EPHB1: variants seen among roughly 807,000 people sequenced by gnomAD.
EPHB1 encodes EPH receptor B1.
Under a neutral mutation model 94.4 loss-of-function variants are expected in EPHB1, and 30 were observed. The observed-to-expected ratio is 0.32, with a 90% CI of 0.24 to 0.43. The LOEUF (loss-of-function observed/expected upper bound fraction) is 0.43, where lower values mean the gene tolerates loss of function less well. Ranked by LOEUF, EPHB1 falls within the 20% of genes least tolerant of loss-of-function variation. EPHB1 has a pLI of 1.00. For synonymous variants in EPHB1, 522 were observed against 489.1 expected, an observed-to-expected ratio of 1.07 and a Z score of -0.89; for missense variants, 1,055 against 1,308.3, an observed-to-expected ratio of 0.81 and a Z score of 2.99.
intron 13 of EPHB1, among the ~76,000 whole-genome samples, chr3:135,245,611 T>C (rs1247116439): frequency 6.7e-6 from 1 of 149,642 alleles, no homozygotes; most frequent in Non-Finnish European, 1.5e-5. Context: ...ATTGAGACCA[T>C]CCTGGCCAAC....
chr3:134,850,048 T>C (rs2036948484), intron 1 of EPHB1, among the ~76,000 whole-genome samples: 1 of 152,156 alleles, frequency 6.6e-6, no homozygotes, highest in Admixed American at 6.5e-5. Context: ...TCCAGGAGTT[T>C]CTCAACTGCT....
rs75239572 is a variant in EPHB1 at position 135,142,473 on chromosome 3, G to A, written c.1297+9424G>A. On this transcript the variant is annotated intron_variant, in intron 5 of 15. Transcript: ENST00000398015. ...GGCAACATATGCCTAAGGTTTTGAGGAGTATTGTGAATTATGTTATTGCAA... is the reference window on the plus strand; with the variant it reads ...GGCAACATATGCCTAAGGTTTTGAGAAGTATTGTGAATTATGTTATTGCAA... Among the ~76,000 whole-genome samples the A allele has an allele frequency of 1.8e-4, 27 of 152,284 alleles. No homozygotes were observed. The East Asian group carries it at 4.6e-3, about 26-fold the overall frequency.
At chr3:135,008,497 A>T (rs1217415978) in intron 3 of EPHB1, among the ~76,000 whole-genome samples, 1 of 152,200 alleles carries the variant, frequency 6.6e-6, no homozygotes, top group Non-Finnish European at 1.5e-5. Context: ...TATCAAATGA[A>T]TTTCAAAGAA....
chr3:134,906,775 A>T lies in EPHB1; in HGVS notation c.59-19041A>T, dbSNP rs7652904. Among the ~76,000 whole-genome samples, 873 of 152,320 alleles carry T rather than the reference A, an allele frequency of 5.7e-3. 6 individuals carry two copies. Among genetic ancestry groups the T allele is most frequent in the African/African-American group, 0.02 (828 of 41,572 alleles). ...TGGTAAACCAAGGCCCTCTTGGAGA[A>T]TGTGCTCCTGGGTTGGGCTGGAGGA... On this transcript the variant is annotated intron_variant, in intron 1 of 15. Transcript: ENST00000398015.
At chr3:135,244,154 C>G (rs1320720533) in intron 13 of EPHB1, among the ~76,000 whole-genome samples, 2 of 152,328 alleles carry the variant, frequency 1.3e-5, no homozygotes, top group East Asian at 3.9e-4. Context: ...AGACTACCTG[C>G]ACCTGATCCC....
chr3:135,092,752 A>G (rs887145701), intron 3 of EPHB1, among the ~76,000 whole-genome samples: 9 of 152,122 alleles, frequency 5.9e-5, no homozygotes, highest in East Asian at 3.9e-4. Context: ...CAGCCTCCTG[A>G]GTAGCTGGGA....
intron 1 of EPHB1, among the ~76,000 whole-genome samples, chr3:134,840,701 T>C (rs2036759688): frequency 6.6e-6 from 1 of 152,200 alleles, no homozygotes; most frequent in Admixed American, 6.5e-5. Flanking sequence ...TAATAAAATG[T>C]ATTTTATGAA....
chr3:135,120,549 G>A (rs1442635433), intron 4 of EPHB1, among the ~76,000 whole-genome samples: 6 of 152,206 alleles, frequency 3.9e-5, no homozygotes, highest in Admixed American at 6.5e-5. Context: ...TTCATTGCAT[G>A]CCGTGAATTA....
chr3:134,905,045 C>T (rs2038289577), intron 1 of EPHB1, among the ~76,000 whole-genome samples: 1 of 152,216 alleles, frequency 6.6e-6, no homozygotes, highest in Non-Finnish European at 1.5e-5. Context: ...CATGATTCCA[C>T]AGCACTGGTC....
chr3:134,949,713 T>G (rs1196896417), intron 2 of EPHB1, among the ~76,000 whole-genome samples: 1 of 152,188 alleles, frequency 6.6e-6, no homozygotes, highest in Non-Finnish European at 1.5e-5. Context: ...TTTAGGAAGT[T>G]TAATTTCTTT....
At chr3:135,197,013 CAG>C (rs1457639862) in intron 11 of EPHB1, among the ~76,000 whole-genome samples, 1 of 150,960 alleles carries the variant, frequency 6.6e-6, no homozygotes, top group African/African-American at 2.4e-5. Flanking sequence ...TCCCAGCTCT[CAG>C]GGAGGAAAGA....
At chr3:135,246,020 C>G (rs755440161) in intron 13 of EPHB1, among the ~76,000 whole-genome samples, 8 of 152,130 alleles carry the variant, frequency 5.3e-5, no homozygotes, top group Admixed American at 6.5e-5. Flanking sequence ...GGCCCTGACT[C>G]CAGTGCTCCT....
chr3:135,077,085 G>C (rs1452742242), intron 3 of EPHB1, among the ~76,000 whole-genome samples: 1 of 152,126 alleles, frequency 6.6e-6, no homozygotes, highest in Non-Finnish European at 1.5e-5. Flanking sequence ...TTTATGATAT[G>C]TTAATTATAC....
Position 135,094,153 on chromosome 3 carries a change from C to T in EPHB1, c.806-12295C>T, listed in dbSNP as rs150655067. Among the ~76,000 whole-genome samples, 102 of 152,356 alleles carry T rather than the reference C, an allele frequency of 6.7e-4. 1 individual carries two copies. Among genetic ancestry groups the T allele is most frequent in the Non-Finnish European group, 1.2e-3 (80 of 68,040 alleles). On this transcript the variant is annotated intron_variant, in intron 3 of 15. Transcript: ENST00000398015. The stretch of plus-strand genomic sequence containing the variant: ...TTTGCCTCTCTGGGTCCTACTTCTC[C>T]ATCAAGCCCTGGGAAAGAGGGCAGG...
chr3:135,203,751 T>G (rs999640943), intron 12 of EPHB1, among the ~76,000 whole-genome samples: 1 of 152,214 alleles, frequency 6.6e-6, no homozygotes, highest in Admixed American at 6.5e-5. Flanking sequence ...AAATTTTTAT[T>G]CTACAAAATT....
At chr3:134,931,204 TCTC>T in intron 2 of EPHB1, among the ~76,000 whole-genome samples, 1 of 152,138 alleles carries the variant, frequency 6.6e-6, no homozygotes, top group East Asian at 1.9e-4. Flanking sequence ...TGGAGCCACT[TCTC>T]CTGAGATAAG....
At chr3:135,019,044 C>T (rs897960237) in intron 3 of EPHB1, among the ~76,000 whole-genome samples, 1 of 152,070 alleles carries the variant, frequency 6.6e-6, no homozygotes, top group Non-Finnish European at 1.5e-5. Flanking sequence ...TGTTCAGTGG[C>T]GTTTCCTACC....
intron 1 of EPHB1, among the ~76,000 whole-genome samples, chr3:134,901,744 T>G (rs2038208776): frequency 6.6e-6 from 1 of 152,142 alleles, no homozygotes; most frequent in Non-Finnish European, 1.5e-5. Flanking sequence ...CTGAGGGCAA[T>G]TCTGGGGAGC....
chr3:135,181,180 G>T (rs1206462440), intron 10 of EPHB1, among the ~76,000 whole-genome samples: 1 of 152,184 alleles, frequency 6.6e-6, no homozygotes, highest in Non-Finnish European at 1.5e-5. Flanking sequence ...CCATCTTCCT[G>T]CTCTGGTTTC....
Sources: gnomAD v4.1 joint callset for allele counts (sites outside exome capture counted in the v4.1 genomes callset) on GRCh38, gnomAD v4.1.1 for gene constraint, MANE v1.5 for transcripts, NCBI Gene and HGNC (gene_info 2026-07-23, HGNC 2026-07-21) for gene names.